Variants in USP26 observed in about 807,000 individuals in gnomAD.
The protein encoded by USP26 is ubiquitin specific peptidase 26.
For missense variants in USP26, 649 were observed against 642.3 expected, an observed-to-expected ratio of 1.01 and a Z score of -0.11; for synonymous variants, 236 against 240.6, an observed-to-expected ratio of 0.98 and a Z score of 0.18.
intron 5 of USP26, among the ~76,000 whole-genome samples, chrX:133,054,236 ATTCT>A (rs949881325): frequency 9.0e-6 from 1 of 111,501 alleles, no homozygotes; most frequent in African/African-American, 3.3e-5. Context: ...ACAGCATTTA[ATTCT>A]TTAACTATAG....
Position 133,026,525 on chromosome X carries a change from C to A in USP26, c.1696G>T (p.Glu566Ter), listed in dbSNP as rs1334457072. 8.3e-7 allele frequency: 1 copy of A among 1,209,683 alleles called. No individual in the cohort carries two copies. The highest frequency in any genetic ancestry group is 2.3e-4 in the Middle Eastern group (1 of 4,352). The stretch of plus-strand genomic sequence containing the variant: ...TTTAATAATTGGAAATCTGTAATTT[C>A]TCCATCCTCACTCAAGGGAAGAGGT... ...RPPLPLSEDG[E>*]ITDFQLLKVI... The change falls in exon 6 of 6, where the codon GAA becomes TAA. Residue 566 changes from glutamate (E) to a stop codon, truncating the protein, a stop_gained. Coordinates refer to ENST00000511190, the MANE Select transcript of USP26 (RefSeq NM_031907.3). LOFTEE classifies it low-confidence loss of function (END_TRUNC).
intron 5 of USP26, among the ~76,000 whole-genome samples, chrX:133,068,894 G>A (rs1437026016): frequency 1.8e-5 from 2 of 112,322 alleles, no homozygotes; most frequent in Non-Finnish European, 3.8e-5. Flanking sequence ...TTTTGGAGGT[G>A]TTCCGCTAAT....
intron 4 of USP26, among the ~76,000 whole-genome samples, chrX:133,085,873 T>C (rs1196664448): frequency 9.0e-6 from 1 of 111,112 alleles, no homozygotes; most frequent in Non-Finnish European, 1.9e-5. Flanking sequence ...GGGGCTACTG[T>C]CTGGGTGGAG....
chrX:133,026,520 A>C lies in USP26; in HGVS notation c.1701T>G (p.Ile567Met), dbSNP rs1458560430. 2 of 1,206,081 alleles carry C rather than the reference A, an allele frequency of 1.7e-6. No homozygotes were observed. Among genetic ancestry groups the C allele is most frequent in the African/African-American group, 3.6e-5 (2 of 56,193 alleles). Residue 567 changes from isoleucine (I) to methionine (M), a missense_variant, in exon 6 of 6, where the codon ATT becomes ATG. Ile to Met is a conservative substitution (Grantham distance 10, BLOSUM62 1). Coordinates refer to ENST00000511190, the MANE Select transcript of USP26 (RefSeq NM_031907.3). ...PPLPLSEDGE[I>M]TDFQLLKVIR... ...TAACTTTTAATAATTGGAAATCTGT[A>C]ATTTCTCCATCCTCACTCAAGGGAA...
At chrX:133,096,686 G>C (rs2067631955) in intron 1 of USP26, among the ~76,000 whole-genome samples, 1 of 111,557 alleles carries the variant, frequency 9.0e-6, no homozygotes, top group African/African-American at 3.3e-5. Flanking sequence ...CCTGAGGTCA[G>C]GTGTTGGAGC....
intron 4 of USP26, among the ~76,000 whole-genome samples, chrX:133,089,175 C>T (rs1421423426): frequency 9.1e-6 from 1 of 110,099 alleles, no homozygotes; most frequent in South Asian, 3.9e-4. Flanking sequence ...ATGATGCTAC[C>T]AGAATAAAAT....
At chrX:133,044,448 G>C (rs1402313200) in intron 5 of USP26, among the ~76,000 whole-genome samples, 1 of 113,400 alleles carries the variant, frequency 8.8e-6, no homozygotes, top group Non-Finnish European at 1.9e-5. Context: ...GTGGGCATGG[G>C]CTTGGCAGGC....
At chrX:133,047,928 G>T (rs2067446114) in intron 5 of USP26, among the ~76,000 whole-genome samples, 1 of 111,886 alleles carries the variant, frequency 8.9e-6, no homozygotes, top group African/African-American at 3.3e-5. Flanking sequence ...GTGATATTTT[G>T]TTATAGCAGA....
chrX:133,096,887 T>TC (rs2067632879), intron 1 of USP26, 143 bp downstream of exon 1: 1 of 111,561 alleles, frequency 9.0e-6, no homozygotes, highest in African/African-American at 3.3e-5. Context: ...AGAATGAGAC[T>TC]CCGTCTCAAA....
intron 5 of USP26, among the ~76,000 whole-genome samples, chrX:133,052,420 G>A (rs769846181): frequency 4.5e-5 from 5 of 111,871 alleles, no homozygotes; most frequent in African/African-American, 1.3e-4. Flanking sequence ...TTTAAAATGC[G>A]GGAAAGGGAG....
chrX:133,059,753 C>T (rs182746166), intron 5 of USP26, among the ~76,000 whole-genome samples: 11 of 111,480 alleles, frequency 9.9e-5, no homozygotes, highest in African/African-American at 2.0e-4. Context: ...ACTCCATAAA[C>T]GGGTTCAGGA....
intron 5 of USP26, among the ~76,000 whole-genome samples, chrX:133,082,144 A>G (rs942198453): frequency 9.0e-6 from 1 of 111,343 alleles, no homozygotes; most frequent in African/African-American, 3.3e-5. Flanking sequence ...TTGAACATAC[A>G]TGGCCCACAT....
chrX:133,084,912 G>C (rs1320483540), intron 4 of USP26, among the ~76,000 whole-genome samples: 1 of 109,818 alleles, frequency 9.1e-6, no homozygotes, highest in African/African-American at 3.3e-5. Flanking sequence ...TTCCTCCTGA[G>C]TCTCCTAAGT....
chrX:133,026,171 G>A lies in USP26; in HGVS notation c.2050C>T (p.Leu684Phe). The A allele has an allele frequency of 8.3e-7, 1 of 1,210,956 alleles. No homozygotes were observed. Among genetic ancestry groups the A allele is most frequent in the Non-Finnish European group, 1.1e-6 (1 of 895,420 alleles). ...ACTGTTTGAAAGTCAACTTTTGAGA[G>A]AGGTGTGCCTGGGCTGCTGGCAGGT... ...GKPASSPGTPLSKVDFQTVPE... is the reference protein window; with the variant it reads ...GKPASSPGTPFSKVDFQTVPE... The change falls in exon 6 of 6, where the codon CTC (leucine) becomes TTC (phenylalanine). Residue 684 changes from leucine (L) to phenylalanine (F), a missense_variant. By Grantham distance (22) the Leu-to-Phe change is conservative (BLOSUM62 0). Coordinates refer to ENST00000511190, the MANE Select transcript of USP26 (RefSeq NM_031907.3).
chrX:133,044,990 T>A, intron 5 of USP26, among the ~76,000 whole-genome samples: 1 of 112,254 alleles, frequency 8.9e-6, no homozygotes, highest in Non-Finnish European at 1.9e-5. Context: ...GGAGAACCTT[T>A]TTGTCTAGCT....
At chrX:133,063,075 GAAGC>G (rs2067498775) in intron 5 of USP26, among the ~76,000 whole-genome samples, 2 of 111,193 alleles carry the variant, frequency 1.8e-5, no homozygotes, top group South Asian at 3.9e-4. Flanking sequence ...GGAACTTTGT[GAAGC>G]ATACACAAGT....
intron 5 of USP26, among the ~76,000 whole-genome samples, chrX:133,055,301 A>C (rs1297061375): frequency 9.0e-6 from 1 of 111,593 alleles, no homozygotes; most frequent in Non-Finnish European, 1.9e-5. Flanking sequence ...ATGAGATTAG[A>C]GCTTCATAGA....
intron 5 of USP26, among the ~76,000 whole-genome samples, chrX:133,051,241 A>C (rs1279684329): frequency 1.8e-5 from 2 of 111,704 alleles, no homozygotes; most frequent in Non-Finnish European, 3.8e-5. Flanking sequence ...TTGCCATTTG[A>C]CATTCACTTT....
chrX:133,050,624 A>G (rs2067456021), intron 5 of USP26, among the ~76,000 whole-genome samples: 2 of 112,088 alleles, frequency 1.8e-5, no homozygotes, highest in Admixed American at 9.5e-5. Flanking sequence ...AGAAGCAATA[A>G]TATTAAGCAG....
Sources: gnomAD v4.1 joint callset for allele counts (sites outside exome capture counted in the v4.1 genomes callset) on GRCh38, gnomAD v4.1.1 for gene constraint, MANE v1.5 for transcripts, NCBI Gene and HGNC (gene_info 2026-07-23, HGNC 2026-07-21) for gene names.